The following EPHA6 variants were observed in gnomAD, a reference collection of about 807,000 sequenced individuals.
EPHA6 encodes ephrin type-A receptor 6.
In EPHA6, 50 loss-of-function variants were observed where a neutral mutation model predicts 112.0. That is an observed-to-expected ratio of 0.45 (90% CI 0.36 to 0.56). The LOEUF (loss-of-function observed/expected upper bound fraction) is 0.56. Among genes scored for constraint, EPHA6 ranks in the 20% least tolerant of loss-of-function variants. The pLI, the probability that EPHA6 is intolerant of heterozygous loss-of-function variation, is 0.00. For synonymous variants in EPHA6, 529 were observed against 490.7 expected, an observed-to-expected ratio of 1.08 and a Z score of -1.03; for missense variants, 1,280 against 1,417.4, an observed-to-expected ratio of 0.90 and a Z score of 1.56.
At chr3:96,986,264 G>A (rs1200949632) in intron 2 of EPHA6, among the ~76,000 whole-genome samples, 2 of 152,156 alleles carry the variant, frequency 1.3e-5, no homozygotes, top group Non-Finnish European at 2.9e-5. Context: ...GTCTTTCTAT[G>A]CAATCAAGTG....
intron 14 of EPHA6, among the ~76,000 whole-genome samples, chr3:97,700,424 T>C (rs956767491): frequency 1.3e-5 from 2 of 152,184 alleles, no homozygotes; most frequent in Admixed American, 1.3e-4. Context: ...AAGTCACAAA[T>C]TCTGAGCTGC....
chr3:97,079,623 A>G (rs1371751873), intron 3 of EPHA6, among the ~76,000 whole-genome samples: 1 of 149,730 alleles, frequency 6.7e-6, no homozygotes, highest in Non-Finnish European at 1.5e-5. Context: ...AAAAAAAAAA[A>G]GCAACCACAG....
chr3:97,650,422 A>G (rs779451271), intron 14 of EPHA6, among the ~76,000 whole-genome samples: 3 of 152,158 alleles, frequency 2.0e-5, no homozygotes, highest in Non-Finnish European at 2.9e-5. Context: ...GCCCTCATCT[A>G]TGAAGCTTAG....
chr3:97,747,213 CAA>C (rs1446432308), intron 16 of EPHA6, among the ~76,000 whole-genome samples: 3 of 151,796 alleles, frequency 2.0e-5, no homozygotes, highest in Non-Finnish European at 4.4e-5. Context: ...CACAAAAAGA[CAA>C]AAGTGTTCCA....
intron 1 of EPHA6, among the ~76,000 whole-genome samples, chr3:96,866,458 T>G (rs1024317745): frequency 6.6e-6 from 1 of 151,954 alleles, no homozygotes; most frequent in African/African-American, 2.4e-5. Flanking sequence ...ATACAGGATT[T>G]TCTTCCTGAA....
At chr3:97,536,807 T>G (rs561151454) in intron 11 of EPHA6, among the ~76,000 whole-genome samples, 3 of 152,262 alleles carry the variant, frequency 2.0e-5, no homozygotes, top group African/African-American at 7.2e-5. Flanking sequence ...CTCTACCTGG[T>G]TATATTTGGG....
At chr3:97,650,675 G>T (rs2094101747) in intron 14 of EPHA6, among the ~76,000 whole-genome samples, 1 of 151,706 alleles carries the variant, frequency 6.6e-6, no homozygotes, top group South Asian at 2.1e-4. Flanking sequence ...ACAAAAACAA[G>T]AAGTCCTTGT....
intron 2 of EPHA6, among the ~76,000 whole-genome samples, chr3:96,873,719 G>A (rs1028893025): frequency 1.3e-5 from 2 of 152,044 alleles, no homozygotes; most frequent in African/African-American, 4.8e-5. Flanking sequence ...GAGCTTTCTT[G>A]TGGTATGTAT....
At chr3:97,444,065 TC>T (rs2090235771) in intron 6 of EPHA6, among the ~76,000 whole-genome samples, 1 of 152,168 alleles carries the variant, frequency 6.6e-6, no homozygotes, top group South Asian at 2.1e-4. Context: ...AGTTCTTATT[TC>T]ACAAGACTAT....
At chr3:96,906,142 T>G (rs2038922584) in intron 2 of EPHA6, among the ~76,000 whole-genome samples, 2 of 152,084 alleles carry the variant, frequency 1.3e-5, no homozygotes, top group African/African-American at 2.4e-5. Context: ...TTTAAAAAAC[T>G]GAATTATCCA....
At chr3:96,859,058 A>G (rs1485797207) in intron 1 of EPHA6, among the ~76,000 whole-genome samples, 3 of 151,984 alleles carry the variant, frequency 2.0e-5, no homozygotes, top group African/African-American at 7.3e-5. Context: ...TGCTTTTCCA[A>G]TAGTTGGTTA....
At chr3:97,109,380 A>G (rs1332117776) in intron 3 of EPHA6, among the ~76,000 whole-genome samples, 4 of 152,162 alleles carry the variant, frequency 2.6e-5, no homozygotes, top group African/African-American at 9.6e-5. Context: ...GTTATGAAAC[A>G]CAACTGTCTC....
chr3:97,419,793 A>T (rs888314992), intron 6 of EPHA6, among the ~76,000 whole-genome samples: 3 of 152,228 alleles, frequency 2.0e-5, no homozygotes, highest in Non-Finnish European at 4.4e-5. Flanking sequence ...CTGATTGATT[A>T]CATAAACCTT....
intron 3 of EPHA6, among the ~76,000 whole-genome samples, chr3:97,083,027 C>G (rs2046773340): frequency 1.3e-5 from 2 of 151,598 alleles, no homozygotes; most frequent in East Asian, 1.9e-4. Context: ...TTTGTCCATT[C>G]TAACTTAATA....
intron 11 of EPHA6, chr3:97,572,649 A>G (rs868362077): frequency 6.6e-6 from 1 of 152,154 alleles, no homozygotes; most frequent in African/African-American, 2.4e-5. Flanking sequence ...AGAAAAGTAT[A>G]CAAGTATAAC....
intron 3 of EPHA6, among the ~76,000 whole-genome samples, chr3:97,093,375 T>A (rs1278996699): frequency 6.6e-6 from 1 of 151,820 alleles, no homozygotes; most frequent in East Asian, 1.9e-4. Context: ...ATGGCAAAAC[T>A]GCTTCTCTAC....
At chr3:97,028,166 A>G (rs956860167) in intron 3 of EPHA6, among the ~76,000 whole-genome samples, 1 of 152,164 alleles carries the variant, frequency 6.6e-6, no homozygotes, top group Non-Finnish European at 1.5e-5. Flanking sequence ...TTTTGTTTAT[A>G]TAGAGAGGAG....
chr3:97,543,871 T>G (rs2092905899), intron 11 of EPHA6, among the ~76,000 whole-genome samples: 1 of 152,048 alleles, frequency 6.6e-6, no homozygotes, highest in African/African-American at 2.4e-5. Flanking sequence ...TGAATGGGAG[T>G]TCACTCATGA....
chr3:96,880,192 T>C (rs2037227262), intron 2 of EPHA6, among the ~76,000 whole-genome samples: 1 of 152,158 alleles, frequency 6.6e-6, no homozygotes, highest in Non-Finnish European at 1.5e-5. Flanking sequence ...TTGGATTTGC[T>C]AAATACCTTG....
Sources: gnomAD v4.1 joint callset for allele counts (sites outside exome capture counted in the v4.1 genomes callset) on GRCh38, gnomAD v4.1.1 for gene constraint, MANE v1.5 for transcripts, NCBI Gene and HGNC (gene_info 2026-07-23, HGNC 2026-07-21) for gene names.